NUMB: variants seen among roughly 807,000 people sequenced by gnomAD.
NUMB encodes protein numb homolog.
In NUMB, 29 loss-of-function variants were observed where a neutral mutation model predicts 59.7. The ratio of observed to expected loss-of-function variants is 0.49; its 90% CI spans 0.36 to 0.66. The LOEUF is 0.66. NUMB is among the 30% of genes least tolerant of loss of function. The probability of loss-of-function intolerance (pLI) is 0.00; values close to 1 mark genes in which losing one functional copy is unlikely to be tolerated. For missense variants in NUMB, 723 were observed against 822.0 expected, an observed-to-expected ratio of 0.88 and a Z score of 1.47; for synonymous variants, 288 against 288.2, an observed-to-expected ratio of 1.00 and a Z score of 0.01.
chr14:73,395,997 G>C (rs1896112841), intron 2 of NUMB, among the ~76,000 whole-genome samples: 1 of 152,056 alleles, frequency 6.6e-6, no homozygotes, highest in African/African-American at 2.4e-5. Context: ...ATCAACTTCA[G>C]GTAGAAATGA....
rs1311126706 is a variant in NUMB, at chr14:73,297,291, AAGAG to A, written c.235-10_235-7del. 6.3e-7 allele frequency: 1 copy of A among 1,582,794 alleles called. No individual in the cohort carries two copies. The highest frequency in any genetic ancestry group is 8.7e-7 in the Non-Finnish European group (1 of 1,152,290). Reference sequence around the variant, plus strand: ...TTAACTGCTTTCTTTCCAGTCTTTTAAGAGAAACCAAAAAGGGGAGGGGGAGATA... The same window carrying A: ...TTAACTGCTTTCTTTCCAGTCTTTTAAAACCAAAAAGGGGAGGGGGAGATA... On this transcript the variant is annotated splice_region_variant and splice_polypyrimidine_tract_variant and intron_variant, in intron 6 of 12. Transcript: ENST00000555238.
chr14:73,323,348 A>G (rs1271364236), intron 4 of NUMB, 144 bp from the exon 5 acceptor site: 1 of 536,018 alleles, frequency 1.9e-6, no homozygotes, highest in Non-Finnish European at 3.3e-6. Flanking sequence ...GGTGTCAAGC[A>G]TGTTGGATAA....
chr14:73,300,755 G>C (rs775109012), intron 6 of NUMB, among the ~76,000 whole-genome samples: 1 of 152,062 alleles, frequency 6.6e-6, no homozygotes, highest in Non-Finnish European at 1.5e-5. Context: ...AAATGAAAGA[G>C]ATGACTCGTC....
chr14:73,317,736 GC>G, intron 5 of NUMB, among the ~76,000 whole-genome samples: 1 of 152,138 alleles, frequency 6.6e-6, no homozygotes, highest in Non-Finnish European at 1.5e-5. Context: ...ATGAAAACTG[GC>G]CACCAATTAA....
At chr14:73,377,788 G>A (rs1356405179) in intron 2 of NUMB, among the ~76,000 whole-genome samples, 3 of 152,152 alleles carry the variant, frequency 2.0e-5, no homozygotes, top group Non-Finnish European at 2.9e-5. Context: ...CCCACATGGC[G>A]AAACCCTGTC....
chr14:73,308,766 G>T (rs1333147070), intron 6 of NUMB, among the ~76,000 whole-genome samples: 2 of 152,178 alleles, frequency 1.3e-5, no homozygotes, highest in African/African-American at 2.4e-5. Context: ...ACAGACGAAG[G>T]GGAGAACTGG....
At chr14:73,304,260 C>G (rs529249836) in intron 6 of NUMB, among the ~76,000 whole-genome samples, 1 of 87,700 alleles carries the variant, frequency 1.1e-5, no homozygotes, top group South Asian at 3.9e-4. Flanking sequence ...TGCTATCTAC[C>G]TATCTCCAGG....
At chr14:73,355,903 C>T (rs17127085) in intron 3 of NUMB, 137 bp from the exon 4 acceptor site, 151,048 of 602,224 alleles carry the variant, frequency 0.25, 21,480 homozygotes, top group African/African-American at 0.47. Flanking sequence ...ATATAATTAT[C>T]ATGTAAGCAC....
At chr14:73,337,023 G>C (rs539799920) in intron 4 of NUMB, among the ~76,000 whole-genome samples, 1 of 152,220 alleles carries the variant, frequency 6.6e-6, no homozygotes, top group Non-Finnish European at 1.5e-5. Context: ...CATGAGGCCA[G>C]GAGTTCAAGA....
chr14:73,303,516 G>A (rs1046388840), intron 6 of NUMB, among the ~76,000 whole-genome samples: 1 of 152,018 alleles, frequency 6.6e-6, no homozygotes, highest in Non-Finnish European at 1.5e-5. Context: ...GGAGGCAGAG[G>A]TTGCAGTGAG....
intron 1 of NUMB, among the ~76,000 whole-genome samples, chr14:73,446,911 G>A (rs1298525028): frequency 6.6e-5 from 10 of 152,132 alleles, no homozygotes; most frequent in Middle Eastern, 3.4e-3. Flanking sequence ...AAATAAGGCC[G>A]GGCGCAGTGG....
At chr14:73,379,727 G>A (rs565283694) in intron 2 of NUMB, among the ~76,000 whole-genome samples, 1 of 152,270 alleles carries the variant, frequency 6.6e-6, no homozygotes, top group South Asian at 2.1e-4. Flanking sequence ...CAGGTCCTGA[G>A]GCAAGTGTAC....
At position 73,396,322 on chromosome 14, in the gene NUMB, GT is replaced by G. The variant is rs1384986998; in HGVS notation, c.-101+13614del. ...TATCTATTTACTTTAATTATTAGGG[GT>G]GTGTGTGTGTGTGTGTGTGTGTGTG... On this transcript the variant is annotated intron_variant, in intron 2 of 12. Coordinates refer to ENST00000555238, the MANE Select transcript of NUMB (RefSeq NM_001005743.2). Among the ~76,000 whole-genome samples, 509 of 30,606 alleles carry G rather than the reference GT, an allele frequency of 0.017. 1 individual carries two copies. In the African/African-American group the frequency reaches 0.17, roughly 10 times the overall value. The allele number at this position is 30,606 out of a possible 152,430, so 20.1% of individuals were successfully genotyped here. A position where few individuals can be genotyped will look rare whatever the true frequency, so the allele number is the denominator to read the frequency against.
chr14:73,277,613 C>G (rs1238632490), intron 12 of NUMB, among the ~76,000 whole-genome samples: 1 of 152,082 alleles, frequency 6.6e-6, no homozygotes, highest in Non-Finnish European at 1.5e-5. Context: ...AATACAGAAA[C>G]TAGCTGGTTG....
intron 4 of NUMB, among the ~76,000 whole-genome samples, chr14:73,335,793 A>G (rs1332805098): frequency 6.6e-6 from 1 of 152,242 alleles, no homozygotes; most frequent in Non-Finnish European, 1.5e-5. Flanking sequence ...AAAGTGACAT[A>G]ATATTCATCA....
chr14:73,385,111 C>G (rs542235353), intron 2 of NUMB, among the ~76,000 whole-genome samples: 1 of 151,676 alleles, frequency 6.6e-6, no homozygotes, highest in Non-Finnish European at 1.5e-5. Flanking sequence ...AATATGGTAG[C>G]CATTAACCAG....
intron 1 of NUMB, among the ~76,000 whole-genome samples, chr14:73,434,230 C>T (rs754401935): frequency 6.6e-6 from 1 of 152,190 alleles, no homozygotes; most frequent in African/African-American, 2.4e-5. Flanking sequence ...TGGAGCCAAA[C>T]TATCTAGGTT....
chr14:73,436,216 G>A (rs1419604788), intron 1 of NUMB, among the ~76,000 whole-genome samples: 1 of 152,116 alleles, frequency 6.6e-6, no homozygotes, highest in African/African-American at 2.4e-5. Flanking sequence ...ATTTTAAACA[G>A]TCTCTAGTTG....
At chr14:73,457,321 A>T (rs143915774) in intron 1 of NUMB, among the ~76,000 whole-genome samples, 19 of 152,252 alleles carry the variant, frequency 1.2e-4, no homozygotes, top group African/African-American at 4.3e-4. Flanking sequence ...TTCTTTTCTA[A>T]AACAAGTCAC....
Sources: allele counts gnomAD v4.1 joint callset (sites outside exome capture counted in the v4.1 genomes callset), GRCh38; gene constraint gnomAD v4.1.1; transcripts MANE v1.5; gene names NCBI Gene and HGNC (gene_info 2026-07-23, HGNC 2026-07-21).